The following CACHD1 variants were observed in gnomAD, a reference collection of about 807,000 sequenced individuals.
CACHD1 encodes cache domain containing 1.
CACHD1 carries 71 observed loss-of-function variants against 138.7 expected under a neutral mutation model. The observed-to-expected ratio is 0.51, with a 90% CI of 0.42 to 0.62. The LOEUF is 0.62. CACHD1 is among the 20% of genes least tolerant of loss of function. The pLI, the probability that CACHD1 is intolerant of heterozygous loss-of-function variation, is 0.00. For synonymous variants in CACHD1, 578 were observed against 591.5 expected, an observed-to-expected ratio of 0.98 and a Z score of 0.33; for missense variants, 1,389 against 1,625.3, an observed-to-expected ratio of 0.85 and a Z score of 2.50.
intron 13 of CACHD1, among the ~76,000 whole-genome samples, chr1:64,660,413 T>C (rs913376213): frequency 1.3e-5 from 2 of 152,220 alleles, no homozygotes; most frequent in African/African-American, 2.4e-5. Context: ...GTGAAGTTCA[T>C]ACTTAATTTT....
chr1:64,533,826 C>T (rs1646609207), intron 1 of CACHD1, among the ~76,000 whole-genome samples: 2 of 146,786 alleles, frequency 1.4e-5, no homozygotes, highest in African/African-American at 5.0e-5. Context: ...GATCTCGGCT[C>T]ACTGCAAGCT....
intron 1 of CACHD1, among the ~76,000 whole-genome samples, chr1:64,546,802 C>T (rs1646721477): frequency 6.6e-6 from 1 of 152,118 alleles, no homozygotes; most frequent in African/African-American, 2.4e-5. Context: ...AAGCCCCGTA[C>T]TCTATTTCTT....
chr1:64,516,727 A>G (rs145501409), intron 1 of CACHD1, among the ~76,000 whole-genome samples: 2 of 152,268 alleles, frequency 1.3e-5, no homozygotes, highest in African/African-American at 4.8e-5. Context: ...TTATCTTCTT[A>G]TTATTGTTCT....
intron 3 of CACHD1, among the ~76,000 whole-genome samples, chr1:64,597,089 G>A (rs1267679461): frequency 6.6e-6 from 1 of 152,044 alleles, no homozygotes; most frequent in Non-Finnish European, 1.5e-5. Context: ...GTGAGTGGGG[G>A]GGTGCTGGAG....
Position 64,605,401 on chromosome 1 carries a change from C to G in CACHD1, c.517+2489C>G, listed in dbSNP as rs184780918. On this transcript the variant is annotated intron_variant, in intron 4 of 26. Transcript: ENST00000651257. ...ATGAAACAGTGGGATATTTTTACTT[C>G]CTTATTAATTTTCTTAATCTTAAAT... Among the ~76,000 whole-genome samples, 61 of 152,120 alleles carry G rather than the reference C, an allele frequency of 4.0e-4. No homozygotes were observed. In the East Asian group the frequency reaches 0.011, roughly 28 times the overall value.
In CACHD1 at chr1:64,530,864, C is replaced by T. The variant is rs373841906; in HGVS notation, c.199-19730C>T. Among the ~76,000 whole-genome samples the T allele has an allele frequency of 3.9e-3, 569 of 145,028 alleles. 4 individuals are homozygous for T. The highest frequency in any genetic ancestry group is 0.014 in the African/African-American group (543 of 39,202). On this transcript the variant is annotated intron_variant, in intron 1 of 26. Coordinates refer to ENST00000651257, the MANE Select transcript of CACHD1 (RefSeq NM_020925.4). ...CCAGCCTGGGCAACAGAGCAAGACT[C>T]TGTCTAAAAAAAAAAAAAGAAAAAG...
chr1:64,592,876 C>G (rs758296618), intron 3 of CACHD1, among the ~76,000 whole-genome samples: 2 of 152,082 alleles, frequency 1.3e-5, no homozygotes, highest in Non-Finnish European at 2.9e-5. Context: ...CAAAGACGTC[C>G]AGGGGCTGGT....
intron 25 of CACHD1, 68 bp from the exon 26 acceptor site, chr1:64,681,937 G>A: frequency 2.2e-6 from 3 of 1,356,802 alleles, no homozygotes; most frequent in Non-Finnish European, 2.1e-6. Context: ...CCCTCTCAGA[G>A]CAAATGTGTT....
intron 2 of CACHD1, among the ~76,000 whole-genome samples, chr1:64,552,777 C>A (rs552031290): frequency 6.6e-6 from 1 of 152,096 alleles, no homozygotes; most frequent in Non-Finnish European, 1.5e-5. Flanking sequence ...CTGTGCCCAG[C>A]CTATTATCTG....
At position 64,691,626 on chromosome 1, in the gene CACHD1, A is replaced by T; in HGVS notation, c.*65A>T. On this transcript the variant is annotated 3_prime_UTR_variant, in exon 27 of 27. Transcript: ENST00000651257. ...TACAGAATGTTCTGGAAAGAAAAAG[A>T]ACCGGCTTAAAACCCACAGCAAGAG... 6.7e-7 allele frequency: 1 copy of T among 1,487,002 alleles called. No individual in the cohort carries two copies. The highest frequency in any genetic ancestry group is 9.3e-7 in the Non-Finnish European group (1 of 1,072,436). 92.1% of individuals were successfully genotyped at this position (1,487,002 alleles called of 1,614,324 possible). A position where few individuals can be genotyped will look rare whatever the true frequency, so the allele number is the denominator to read the frequency against.
intron 4 of CACHD1, among the ~76,000 whole-genome samples, chr1:64,614,125 G>A (rs1027365343): frequency 2.0e-5 from 3 of 152,210 alleles, no homozygotes; most frequent in Non-Finnish European, 2.9e-5. Flanking sequence ...GTCCACGTAA[G>A]GGTATGAATA....
intron 1 of CACHD1, among the ~76,000 whole-genome samples, chr1:64,539,064 A>G (rs1484420234): frequency 6.6e-6 from 1 of 152,170 alleles, no homozygotes; most frequent in African/African-American, 2.4e-5. Flanking sequence ...GGGAAACTCA[A>G]CGTCAGAGCC....
At chr1:64,562,354 T>TG (rs1297235668) in intron 2 of CACHD1, among the ~76,000 whole-genome samples, 1,084 of 11,550 alleles carry the variant, frequency 0.094, 11 homozygotes, top group African/African-American at 0.1. Context: ...TCTTTTTAAA[T>TG]TTTTTTTCTC....
intron 3 of CACHD1, among the ~76,000 whole-genome samples, chr1:64,598,338 C>T (rs1452292664): frequency 2.0e-5 from 3 of 152,138 alleles, no homozygotes; most frequent in Non-Finnish European, 4.4e-5. Context: ...ACTTGACTGG[C>T]GAGTGAATGC....
At chr1:64,573,277 C>T (rs566178536) in intron 2 of CACHD1, among the ~76,000 whole-genome samples, 44 of 152,138 alleles carry the variant, frequency 2.9e-4, no homozygotes, top group Admixed American at 6.5e-4. Context: ...CTATATAAGA[C>T]GAGGAAGAGA....
chr1:64,518,924 T>G (rs374661318), intron 1 of CACHD1, among the ~76,000 whole-genome samples: 1 of 152,180 alleles, frequency 6.6e-6, no homozygotes, highest in Admixed American at 6.6e-5. Context: ...TAGAACCCCA[T>G]AGATAAGGGC....
intron 7 of CACHD1, 22 bp downstream of exon 7, chr1:64,634,282 A>G: frequency 6.3e-7 from 1 of 1,580,280 alleles, no homozygotes; most frequent in Non-Finnish European, 8.7e-7. Flanking sequence ...CTCTCAGAGG[A>G]CTTAGAGGCA....
chr1:64,525,358 C>T (rs938146319), intron 1 of CACHD1, among the ~76,000 whole-genome samples: 6 of 152,114 alleles, frequency 3.9e-5, no homozygotes, highest in Non-Finnish European at 7.4e-5. Context: ...CAAAAAATGT[C>T]AACTTGATAT....
At chr1:64,595,482 G>A (rs1647142612) in intron 3 of CACHD1, among the ~76,000 whole-genome samples, 1 of 152,122 alleles carries the variant, frequency 6.6e-6, no homozygotes, top group East Asian at 1.9e-4. Context: ...CAAGTGGCAG[G>A]ATGGACAGGG....
Sources: gnomAD v4.1 joint callset for allele counts (sites outside exome capture counted in the v4.1 genomes callset) on GRCh38, gnomAD v4.1.1 for gene constraint, MANE v1.5 for transcripts, NCBI Gene and HGNC (gene_info 2026-07-23, HGNC 2026-07-21) for gene names.